Variants in DNAH7 observed in about 807,000 individuals in gnomAD.
The protein encoded by DNAH7 is axonemal beta dynein heavy chain 7.
Under a neutral mutation model 444.6 loss-of-function variants are expected in DNAH7, and 397 were observed. That is an observed-to-expected ratio of 0.89 (90% CI 0.82 to 0.97). DNAH7 has a LOEUF of 0.97. Among genes scored for constraint, DNAH7 ranks in the 50% least tolerant of loss-of-function variants. DNAH7 has a pLI of 0.00. For missense variants in DNAH7, 4,902 were observed against 4,800.8 expected, an observed-to-expected ratio of 1.02 and a Z score of -0.62; for synonymous variants, 1,636 against 1,624.4, an observed-to-expected ratio of 1.01 and a Z score of -0.17.
chr2:196,063,481 T>G (rs1000755375), intron 1 of DNAH7: 1 of 152,228 alleles, frequency 6.6e-6, no homozygotes, highest in Non-Finnish European at 1.5e-5. Context: ...CTTCTACTAT[T>G]AGAACAGCTT....
chr2:195,960,730 T>C lies in DNAH7; in HGVS notation c.2421A>G (p.Leu807=), dbSNP rs561456634. The change falls in exon 18 of 65, where the codon TTA becomes TTG. Residue 807 remains leucine (L), a synonymous_variant. Coordinates refer to ENST00000312428, the MANE Select transcript of DNAH7 (RefSeq NM_018897.3). ...EADIGNYWRG[L]YKLEKTFHDS... ...CATGAAAGGTTTTCTCCAGTTTATATAATCCTCTCCAGTAATTTCCAATAT... is the reference window on the plus strand; with the variant it reads ...CATGAAAGGTTTTCTCCAGTTTATACAATCCTCTCCAGTAATTTCCAATAT... The C allele has an allele frequency of 1.4e-5, 22 of 1,614,198 alleles. 1 individual carries two copies. In the South Asian group the frequency reaches 1.9e-4, roughly 14 times the overall value.
chr2:195,981,423 T>A (rs900221276), intron 15 of DNAH7, among the ~76,000 whole-genome samples: 1 of 151,594 alleles, frequency 6.6e-6, no homozygotes, highest in Non-Finnish European at 1.5e-5. Flanking sequence ...CAAAAAGCAA[T>A]GTCAATGTCA....
intron 27 of DNAH7, chr2:195,904,808 A>G (rs529926): frequency 0.99 from 150,399 of 152,268 alleles, 74,303 homozygotes; most frequent in Middle Eastern, 1. Context: ...ACCAGGTGAA[A>G]CAGAGGGAGT....
intron 54 of DNAH7, among the ~76,000 whole-genome samples, chr2:195,805,020 C>CA (rs1007226164): frequency 3.9e-5 from 6 of 151,944 alleles, no homozygotes; most frequent in East Asian, 1.9e-4. Flanking sequence ...TGTCCCCCAC[C>CA]AAAAAAACCC....
At chr2:195,931,464 T>G (rs1011895236) in intron 21 of DNAH7, among the ~76,000 whole-genome samples, 13 of 151,994 alleles carry the variant, frequency 8.6e-5, no homozygotes, top group African/African-American at 3.1e-4. Flanking sequence ...TTGTTGCCAT[T>G]GCTTTTGGTG....
intron 55 of DNAH7, among the ~76,000 whole-genome samples, chr2:195,798,558 TC>T (rs66602617): frequency 0.4 from 49,439 of 123,844 alleles, 11,773 homozygotes; most frequent in Non-Finnish European, 0.51. Context: ...TTTTTTTTTT[TC>T]TTGAGATGGA....
In DNAH7 at chr2:195,895,168, A is replaced by T. The variant is rs1702236164; in HGVS notation, c.4704T>A (p.Asp1568Glu). ...GVKLPKPDYN[D>E]LLAAIKDNCA... Reference sequence around the variant, plus strand: ...AATTGTCTTTGATAGCTGCCAGCAAATCATTGTAATCTGGTTTTGGTAATT... The same window carrying T: ...AATTGTCTTTGATAGCTGCCAGCAATTCATTGTAATCTGGTTTTGGTAATT... Residue 1568 changes from aspartate to glutamate, a missense_variant, in exon 30 of 65, where the codon GAT (aspartate) becomes GAA (glutamate). Physicochemically the swap from Asp to Glu is conservative, Grantham distance 45. Transcript: ENST00000312428. The T allele has an allele frequency of 6.2e-7, 1 of 1,612,522 alleles. No homozygotes were observed. The highest frequency in any genetic ancestry group is 1.7e-5 in the Admixed American group (1 of 59,992).
chr2:195,885,340 A>G (rs1701643717), intron 34 of DNAH7, among the ~76,000 whole-genome samples: 1 of 152,190 alleles, frequency 6.6e-6, no homozygotes. Flanking sequence ...GAAACAGAGT[A>G]GAAGACAAGA....
chr2:195,740,086 C>T (rs1427150151), intron 64 of DNAH7, among the ~76,000 whole-genome samples: 1 of 152,220 alleles, frequency 6.6e-6, no homozygotes, highest in East Asian at 1.9e-4. Flanking sequence ...CAGGTTCAAG[C>T]GATTCTCCTG....
Position 195,888,411 on chromosome 2 carries a change from G to A in DNAH7, c.5253C>T (p.Tyr1751=), listed in dbSNP as rs750334375. The stretch of plus-strand genomic sequence containing the variant: ...TCCAGCCTAACATGTGAGGCTCCAT[G>A]TAAATCATGCCACATCTGGAAACCT... ...PATVSRCGMI[Y]MEPHMLGWRP... The change falls in exon 33 of 65, where the codon TAC becomes TAT. Residue 1751 remains tyrosine, a synonymous_variant. Coordinates refer to ENST00000312428, the MANE Select transcript of DNAH7 (RefSeq NM_018897.3). 1.1e-5 allele frequency: 17 copies of A among 1,593,850 alleles called. No homozygotes were observed. The highest frequency in any genetic ancestry group is 1.7e-6 in the Non-Finnish European group (2 of 1,174,602).
At position 195,888,786 on chromosome 2, in the gene DNAH7, A is replaced by G; in HGVS notation, c.5229+13T>C. 1.2e-6 allele frequency: 2 copies of G among 1,603,364 alleles called. No homozygotes were observed. The highest frequency in any genetic ancestry group is 1.7e-6 in the Non-Finnish European group (2 of 1,175,982). ...TTATAATTTATAAAAAGATGTCAAA[A>G]TGGAGAACTTACAGTGGCAGGGGAA... is the stretch of plus-strand genomic sequence containing the variant. On this transcript the variant is annotated intron_variant, in intron 32 of 64. Coordinates refer to ENST00000312428, the MANE Select transcript of DNAH7 (RefSeq NM_018897.3).
chr2:195,799,359 C>T lies in DNAH7; in HGVS notation c.10290G>A (p.Leu3430=), dbSNP rs115849299. 800 of 1,612,068 alleles carry T rather than the reference C, an allele frequency of 5.0e-4. 2 individuals carry two copies. The African/African-American group carries it at 9.7e-3, about 20-fold the overall frequency. The change falls in exon 55 of 65, where the codon CTG becomes CTA. Residue 3430 remains leucine, a synonymous_variant. Transcript: ENST00000312428. ...AFGDSNCCAP[L]IFVLSPGADP... is the part of the protein sequence containing the mutation. ...CTGCTCCAGGAGAGAGCACGAAAAT[C>T]AGTGGTGCACAGCAGTTACTGTCTC...
At chr2:195,810,131 A>G (rs1696895267) in intron 51 of DNAH7, among the ~76,000 whole-genome samples, 1 of 152,008 alleles carries the variant, frequency 6.6e-6, no homozygotes, top group African/African-American at 2.4e-5. Flanking sequence ...AGTGGATGGT[A>G]TATTAATCTG....
chr2:195,988,363 A>G, intron 12 of DNAH7, 134 bp from the exon 13 acceptor site: 1 of 765,096 alleles, frequency 1.3e-6, no homozygotes, highest in Non-Finnish European at 1.9e-6. Flanking sequence ...TTTAACCTCT[A>G]ATCTATAGAA....
chr2:195,886,472 C>A (rs1701718042), intron 33 of DNAH7, among the ~76,000 whole-genome samples, 200 bp from the exon 34 acceptor site: 1 of 152,030 alleles, frequency 6.6e-6, no homozygotes, highest in Non-Finnish European at 1.5e-5. Context: ...ACTCTTTAAC[C>A]TTTCGCATCG....
intron 27 of DNAH7, chr2:195,905,296 C>T (rs1686945826): frequency 6.6e-6 from 1 of 152,114 alleles, no homozygotes; most frequent in African/African-American, 2.4e-5. Flanking sequence ...ACAAGAAAGG[C>T]TTTCCAAAAG....
chr2:195,746,111 C>T (rs193277212), intron 63 of DNAH7, among the ~76,000 whole-genome samples: 62 of 152,222 alleles, frequency 4.1e-4, no homozygotes, highest in Middle Eastern at 6.8e-3. Flanking sequence ...ATCCATCTCA[C>T]GTGCAGAGAC....
At chr2:195,990,822 T>C (rs1219081265) in intron 12 of DNAH7, among the ~76,000 whole-genome samples, 1 of 143,514 alleles carries the variant, frequency 7.0e-6, no homozygotes, top group Non-Finnish European at 1.5e-5. Context: ...TATATATATA[T>C]ACTTAAATAT....
chr2:196,001,121 C>T (rs984619376), intron 11 of DNAH7, among the ~76,000 whole-genome samples: 5 of 152,072 alleles, frequency 3.3e-5, no homozygotes, highest in African/African-American at 1.2e-4. Context: ...GAAAAACAAG[C>T]GTACATAGCA....
Sources: allele counts gnomAD v4.1 joint callset (sites outside exome capture counted in the v4.1 genomes callset), GRCh38; gene constraint gnomAD v4.1.1; transcripts MANE v1.5; gene names NCBI Gene and HGNC (gene_info 2026-07-23, HGNC 2026-07-21).